The following CACNA2D3 variants were observed in gnomAD, a reference collection of about 807,000 sequenced individuals.
The protein encoded by CACNA2D3 is voltage-dependent calcium channel subunit alpha-2/delta-3.
Under a neutral mutation model 160.6 loss-of-function variants are expected in CACNA2D3, and 60 were observed. The observed-to-expected ratio is 0.37, with a 90% confidence interval of 0.30 to 0.46. The LOEUF is 0.46. Ranked by LOEUF, CACNA2D3 falls within the 20% of genes least tolerant of loss-of-function variation. The pLI is 1.00. For missense variants in CACNA2D3, 1,205 were observed against 1,365.0 expected (o/e 0.88, Z 1.85); for synonymous variants, 558 against 492.9 (o/e 1.13, Z -1.75).
In CACNA2D3 at chr3:54,789,932, C is replaced by T. The variant is rs750534607; in HGVS notation, c.1380+25581C>T. ...GCCCATTCCTCTGTTTTGAGATTCA[C>T]CCTCTGTGTTCTCCCAAAGAATTGC... On this transcript the variant is annotated intron_variant, in intron 13 of 37. Transcript: ENST00000474759. 6 of 488,786 alleles carry T rather than the reference C, an allele frequency of 1.2e-5. No individual in the cohort carries two copies. In the East Asian group the frequency reaches 2.9e-4, roughly 23 times the overall value. The allele number at this position is 488,786 out of a possible 1,614,324, so 30.3% of individuals were successfully genotyped here.
At chr3:54,897,807 A>C (rs1446575070) in intron 26 of CACNA2D3, among the ~76,000 whole-genome samples, 1 of 152,220 alleles carries the variant, frequency 6.6e-6, no homozygotes, top group Non-Finnish European at 1.5e-5. Context: ...AATTTGTAGA[A>C]AGCAAAGAGT....
In CACNA2D3 at chr3:55,052,088, TA is replaced by T. The variant is rs556644849; in HGVS notation, c.2988-21356del. Among the ~76,000 whole-genome samples the T allele has an allele frequency of 3.2e-3, 488 of 152,314 alleles. 2 individuals carry two copies. Among genetic ancestry groups the T allele is most frequent in the African/African-American group, 0.011 (470 of 41,570 alleles). On this transcript the variant is annotated intron_variant, in intron 35 of 37. Transcript: ENST00000474759. ...TCTGCGTTGCTCACTCTGGGAGCTGTAGACTGGAGCTGTTCCTATTCGGCCA... is the reference window on the plus strand; with the variant it reads ...TCTGCGTTGCTCACTCTGGGAGCTGTGACTGGAGCTGTTCCTATTCGGCCA...
At chr3:54,560,811 A>G (rs928544523) in intron 5 of CACNA2D3, among the ~76,000 whole-genome samples, 2 of 152,224 alleles carry the variant, frequency 1.3e-5, no homozygotes, top group Non-Finnish European at 2.9e-5. Flanking sequence ...CAGTTATTCC[A>G]GCATCATTTA....
At chr3:54,587,895 A>G (rs2106750500) in intron 9 of CACNA2D3, among the ~76,000 whole-genome samples, 1 of 152,326 alleles carries the variant, frequency 6.6e-6, no homozygotes, top group African/African-American at 2.4e-5. Flanking sequence ...ATTCTACCAA[A>G]CATTTAAAGA....
chr3:54,856,304 A>G (rs1323935625), intron 17 of CACNA2D3, among the ~76,000 whole-genome samples: 1 of 152,200 alleles, frequency 6.6e-6, no homozygotes, highest in Non-Finnish European at 1.5e-5. Flanking sequence ...CTGGGTAGCT[A>G]GGGAAGGCTG....
intron 27 of CACNA2D3, among the ~76,000 whole-genome samples, chr3:54,956,526 C>T (rs7627765): frequency 6.6e-6 from 1 of 152,174 alleles, no homozygotes; most frequent in Non-Finnish European, 1.5e-5. Flanking sequence ...AAACTCGTTA[C>T]CAACCTAGGA....
chr3:54,197,699 G>A (rs371046419), intron 2 of CACNA2D3, among the ~76,000 whole-genome samples: 7 of 152,174 alleles, frequency 4.6e-5, no homozygotes, highest in Non-Finnish European at 8.8e-5. Flanking sequence ...CTGCTCTTGT[G>A]TATGAGGGCC....
At chr3:54,574,942 G>A (rs901702361) in intron 8 of CACNA2D3, among the ~76,000 whole-genome samples, 2 of 152,174 alleles carry the variant, frequency 1.3e-5, no homozygotes, top group Non-Finnish European at 2.9e-5. Context: ...TCTTTAGAAC[G>A]GTTTCTCCGA....
chr3:54,769,984 A>G (rs551488968), intron 13 of CACNA2D3, among the ~76,000 whole-genome samples: 25 of 152,160 alleles, frequency 1.6e-4, no homozygotes, highest in Admixed American at 1.2e-3. Context: ...AGAACCTTTC[A>G]CCCCAACACC....
chr3:55,052,726 C>T (rs1704257753), intron 35 of CACNA2D3, among the ~76,000 whole-genome samples: 1 of 152,060 alleles, frequency 6.6e-6, no homozygotes, highest in Non-Finnish European at 1.5e-5. Context: ...GCTCCTCTGT[C>T]ATTTTGTGAT....
chr3:55,015,696 A>G (rs906389061), intron 34 of CACNA2D3, among the ~76,000 whole-genome samples: 2 of 151,060 alleles, frequency 1.3e-5, no homozygotes, highest in Non-Finnish European at 2.9e-5. Context: ...CCATGAAAAT[A>G]AAAAGTGTTG....
chr3:54,912,015 G>T (rs1213527996), intron 27 of CACNA2D3, among the ~76,000 whole-genome samples: 1 of 152,194 alleles, frequency 6.6e-6, no homozygotes, highest in African/African-American at 2.4e-5. Flanking sequence ...AAGTGTTGTT[G>T]AGGGTTGCGG....
intron 4 of CACNA2D3, among the ~76,000 whole-genome samples, chr3:54,426,955 C>T (rs1410150856): frequency 1.3e-5 from 2 of 152,088 alleles, no homozygotes; most frequent in East Asian, 3.9e-4. Flanking sequence ...TTGTGTCTTC[C>T]TTGACCCTTC....
At position 54,600,036 on chromosome 3, in the gene CACNA2D3, G is replaced by C. The variant is rs547911105; in HGVS notation, c.963+18159G>C. On this transcript the variant is annotated intron_variant, in intron 9 of 37. Coordinates refer to ENST00000474759, the MANE Select transcript of CACNA2D3 (RefSeq NM_018398.3). ...ACGGCCCCGGAGTTTTTATTTTTTT[G>C]CCTGAAACACTTTCGGACTGGAGGT... 3.9e-5 allele frequency among the ~76,000 whole-genome samples: 6 copies of C among 152,172 alleles called. No homozygotes were observed. The South Asian group carries it at 1.2e-3, about 32-fold the overall frequency.
Position 54,754,028 on chromosome 3 carries a change from C to T in CACNA2D3, c.1246+1351C>T, listed in dbSNP as rs141745993. 2.1e-3 allele frequency among the ~76,000 whole-genome samples: 324 copies of T among 152,258 alleles called. 2 individuals are homozygous for T. The highest frequency in any genetic ancestry group is 7.3e-3 in the African/African-American group (305 of 41,550). ...CAGTTCTTCCTTTAATTCTTATTAA[C>T]GAAATGGTGCATATTAAGTGCCTCG... is the stretch of plus-strand genomic sequence containing the variant. On this transcript the variant is annotated intron_variant, in intron 12 of 37. Transcript: ENST00000474759.
intron 4 of CACNA2D3, among the ~76,000 whole-genome samples, chr3:54,479,122 G>C (rs1700890824): frequency 6.6e-6 from 1 of 151,918 alleles, no homozygotes; most frequent in African/African-American, 2.4e-5. Context: ...TCTTGATAGT[G>C]AGTTTTCATG....
At chr3:54,925,208 C>T (rs778875016) in intron 27 of CACNA2D3, 1 of 1,610,604 alleles carries the variant, frequency 6.2e-7, no homozygotes, top group South Asian at 1.1e-5. Flanking sequence ...AAAACAGGAG[C>T]AGTTCACCTA....
intron 2 of CACNA2D3, among the ~76,000 whole-genome samples, chr3:54,274,895 T>C (rs1172455219): frequency 6.6e-6 from 1 of 152,254 alleles, no homozygotes; most frequent in African/African-American, 2.4e-5. Context: ...AGAGCCTTTT[T>C]GTAATCTGAT....
intron 29 of CACNA2D3, among the ~76,000 whole-genome samples, chr3:54,980,870 A>G (rs1702491875): frequency 1.3e-5 from 2 of 152,250 alleles, no homozygotes; most frequent in Admixed American, 1.3e-4. Context: ...TTATTTTATC[A>G]ATAATCTTTA....
Sources: gnomAD v4.1 joint callset for allele counts (sites outside exome capture counted in the v4.1 genomes callset) on GRCh38, gnomAD v4.1.1 for gene constraint, MANE v1.5 for transcripts, NCBI Gene and HGNC (gene_info 2026-07-23, HGNC 2026-07-21) for gene names.